GK3: variants seen among roughly 807,000 people sequenced by gnomAD.
GK3 encodes the protein glycerol kinase 3 pseudogene.
the GK3 span, chr4:165,279,317 T>C: frequency 2.3e-5 from 36 of 1,557,564 alleles, no homozygotes; most frequent in Non-Finnish European, 3.0e-5. Flanking sequence ...CACCACAGCA[T>C]TGTAGAGAGG....
the GK3 span, chr4:165,279,140 TC>T: frequency 1.2e-6 from 2 of 1,602,958 alleles, no homozygotes; most frequent in African/African-American, 2.7e-5. Context: ...TCGTTTTTCT[TC>T]AACGGCCTTT....
At chr4:165,278,486 G>A in the GK3 span, 824 of 1,592,338 alleles carry the variant, frequency 5.2e-4, 6 homozygotes, top group African/African-American at 9.9e-3. Flanking sequence ...GCATTTATTC[G>A]TGAATTGAGT....
the GK3 span, chr4:165,279,271 A>G: frequency 6.5e-7 from 1 of 1,534,028 alleles, no homozygotes; most frequent in South Asian, 1.1e-5. Flanking sequence ...TTTTACTAAG[A>G]CTCTCAACGG....
At chr4:165,277,858 G>A in the GK3 span, 48 of 776,712 alleles carry the variant, frequency 6.2e-5, no homozygotes, top group African/African-American at 2.7e-4. Flanking sequence ...GGAGGGTCAC[G>A]CAGCAAGTGG....
chr4:165,278,387 C>G, the GK3 span: 9 of 1,349,508 alleles, frequency 6.7e-6, no homozygotes, highest in South Asian at 1.1e-4. Context: ...CTGCAAATGA[C>G]TGAGTGGAAT....
the GK3 span, chr4:165,277,916 A>C: frequency 2.3e-6 from 2 of 876,302 alleles, no homozygotes; most frequent in African/African-American, 1.6e-5. Context: ...GCATTAAGAG[A>C]CAATTGCTGG....
the GK3 span, chr4:165,278,812 C>T: frequency 1.1e-4 from 166 of 1,551,644 alleles, 1 homozygote; most frequent in Middle Eastern, 1.2e-3. Flanking sequence ...CTGTTCCATA[C>T]GTATTTTTGG....
the GK3 span, chr4:165,279,237 C>T: frequency 6.5e-7 from 1 of 1,538,972 alleles, no homozygotes; most frequent in Non-Finnish European, 9.0e-7. Flanking sequence ...TTGGACTTGA[C>T]AAAGTTATTA....
the GK3 span, chr4:165,279,367 C>T: frequency 1.9e-6 from 3 of 1,584,064 alleles, no homozygotes; most frequent in East Asian, 2.2e-5. Flanking sequence ...TGGTTTCCCT[C>T]TGGTTGCTGA....
the GK3 span, chr4:165,279,365 C>T: frequency 4.4e-6 from 7 of 1,582,996 alleles, no homozygotes; most frequent in East Asian, 1.3e-4. Context: ...GGTGGTTTCC[C>T]TCTGGTTGCT....
the GK3 span, chr4:165,278,123 A>G: frequency 6.5e-7 from 1 of 1,550,060 alleles, no homozygotes; most frequent in Non-Finnish European, 8.9e-7. Context: ...CATTGACTTC[A>G]TCACAGCTTT....
chr4:165,278,238 C>T, the GK3 span: 112,095 of 1,143,098 alleles, frequency 0.098, 6,459 homozygotes, highest in African/African-American at 0.2. Flanking sequence ...CTCCATACGT[C>T]GACTCCTTCT....
chr4:165,278,573 C>T, the GK3 span: 24 of 1,610,068 alleles, frequency 1.5e-5, 1 homozygote, highest in South Asian at 2.5e-4. Context: ...GACGAAGTAG[C>T]AGCCATAAGA....
At chr4:165,278,001 T>C in the GK3 span, 24 of 1,416,960 alleles carry the variant, frequency 1.7e-5, no homozygotes, top group Non-Finnish European at 2.3e-5. Context: ...ATACCTGAGA[T>C]GTACCTTGCT....
At chr4:165,278,522 C>T in the GK3 span, 1 of 1,609,240 alleles carries the variant, frequency 6.2e-7, no homozygotes, top group South Asian at 1.1e-5. Context: ...CCCTCTTGCG[C>T]TGGGCTCCCA....
chr4:165,279,084 C>G, the GK3 span: 1 of 1,553,784 alleles, frequency 6.4e-7, no homozygotes, highest in Non-Finnish European at 8.9e-7. Context: ...TTGACGCCTC[C>G]TGTCAAACTC....
At chr4:165,277,903 A>T in the GK3 span, 2 of 850,986 alleles carry the variant, frequency 2.4e-6, no homozygotes, top group Admixed American at 1.7e-5. Flanking sequence ...GAATAGTGTC[A>T]TCGCATTAAG....
the GK3 span, chr4:165,278,113 C>T: frequency 1.9e-6 from 3 of 1,555,086 alleles, 1 homozygote; most frequent in South Asian, 3.3e-5. Flanking sequence ...TAACCCAACC[C>T]ATTGACTTCA....
At chr4:165,278,342 A>G in the GK3 span, 4 of 1,150,240 alleles carry the variant, frequency 3.5e-6, no homozygotes, top group Non-Finnish European at 4.0e-6. Flanking sequence ...TTGTAGCTGC[A>G]TAAGAATTTT....
Sources: gnomAD v4.1 joint callset for allele counts on GRCh38, gnomAD v4.1.1 for gene constraint, MANE v1.5 for transcripts, NCBI Gene and HGNC (gene_info 2026-07-23, HGNC 2026-07-21) for gene names.